The following IGSF21 variants were observed in gnomAD, a reference collection of about 807,000 sequenced individuals.
IGSF21 encodes immunoglobin superfamily member 21.
A neutral mutation model predicts 46.8 loss-of-function variants in IGSF21; 28 were observed. The ratio of observed to expected loss-of-function variants is 0.60; its 90% CI spans 0.44 to 0.82. IGSF21 has a LOEUF of 0.82. Among genes scored for constraint, IGSF21 ranks in the 40% least tolerant of loss-of-function variants. IGSF21 has a pLI of 0.00. For synonymous variants in IGSF21, 284 were observed against 273.6 expected (o/e 1.04, Z -0.38); for missense variants, 624 against 665.5 (o/e 0.94, Z 0.69).
At chr1:18,159,685 C>CTT (rs11371899) in intron 1 of IGSF21, among the ~76,000 whole-genome samples, 1,420 of 138,722 alleles carry the variant, frequency 0.01, 28 homozygotes, top group Admixed American at 0.025. Context: ...TCGGGTATGT[C>CTT]TTTTTTTTTT....
At chr1:18,172,244 A>C (rs1043066673) in intron 1 of IGSF21, among the ~76,000 whole-genome samples, 1 of 152,236 alleles carries the variant, frequency 6.6e-6, no homozygotes, top group Admixed American at 6.5e-5. Flanking sequence ...GTTACCTGAG[A>C]TGGAAGCATC....
chr1:18,302,320 G>A (rs1016397588), intron 3 of IGSF21, among the ~76,000 whole-genome samples: 7 of 152,012 alleles, frequency 4.6e-5, no homozygotes, highest in Admixed American at 6.5e-5. Flanking sequence ...CTGTCCACTC[G>A]CATGTCTACT....
intron 2 of IGSF21, among the ~76,000 whole-genome samples, chr1:18,273,034 C>T (rs114730341): frequency 0.021 from 2,275 of 108,334 alleles, 19 homozygotes; most frequent in Non-Finnish European, 0.027. Flanking sequence ...AGCAGCCAGA[C>T]GGATCTTTTT....
At chr1:18,149,100 C>A (rs1166458611) in intron 1 of IGSF21, among the ~76,000 whole-genome samples, 1 of 152,200 alleles carries the variant, frequency 6.6e-6, no homozygotes, top group Non-Finnish European at 1.5e-5. Context: ...CGTAGTACTC[C>A]TGCGGCCCAC....
At chr1:18,315,587 A>G (rs370637815) in intron 3 of IGSF21, among the ~76,000 whole-genome samples, 1 of 48,044 alleles carries the variant, frequency 2.1e-5, no homozygotes, top group Non-Finnish European at 4.5e-5. Context: ...GTGGATGGGT[A>G]GAGGGTGGAT....
At chr1:18,364,763 C>G (rs77800795) in intron 5 of IGSF21, among the ~76,000 whole-genome samples, 3,314 of 152,164 alleles carry the variant, frequency 0.022, 111 homozygotes, top group African/African-American at 0.074. Flanking sequence ...CCTCTCCCAA[C>G]GTCTCACTTC....
chr1:18,372,780 G>A (rs2086240013), intron 6 of IGSF21, among the ~76,000 whole-genome samples: 1 of 151,180 alleles, frequency 6.6e-6, no homozygotes, highest in South Asian at 2.1e-4. Flanking sequence ...ATAGATGTTT[G>A]GAGGGATGGA....
chr1:18,160,139 AG>A (rs2086604591), intron 1 of IGSF21, among the ~76,000 whole-genome samples: 1 of 152,146 alleles, frequency 6.6e-6, no homozygotes, highest in Non-Finnish European at 1.5e-5. Flanking sequence ...GGGCCAGGCT[AG>A]GGGGAGAGAA....
At chr1:18,348,097 C>T (rs1264505250) in intron 4 of IGSF21, among the ~76,000 whole-genome samples, 2 of 152,182 alleles carry the variant, frequency 1.3e-5, no homozygotes, top group African/African-American at 4.8e-5. Flanking sequence ...ATGGGTATTT[C>T]TAGTATTCTT....
intron 3 of IGSF21, among the ~76,000 whole-genome samples, chr1:18,306,205 C>T (rs2085425017): frequency 6.6e-6 from 1 of 152,174 alleles, no homozygotes; most frequent in Non-Finnish European, 1.5e-5. Context: ...CATCTCCTAC[C>T]CTCTCCCTCT....
intron 6 of IGSF21, chr1:18,376,084 C>T (rs1351264562): frequency 6.1e-6 from 3 of 494,760 alleles, no homozygotes; most frequent in African/African-American, 5.9e-5. Context: ...CTATATACAC[C>T]CTTGACTCCC....
At position 18,118,136 on chromosome 1, in the gene IGSF21, T is replaced by A. The variant is rs372778851; in HGVS notation, c.70+9938T>A. On this transcript the variant is annotated intron_variant, in intron 1 of 9. Transcript: ENST00000251296. ...AGAGAAGCAGCTGAGCCTTTGGGGT[T>A]TTTTTTTGTTCCTTTGCCAAGCTGT... Among the ~76,000 whole-genome samples, 43 of 151,890 alleles carry A rather than the reference T, an allele frequency of 2.8e-4. 1 individual carries two copies. In the East Asian group the frequency reaches 7.9e-3, roughly 28 times the overall value.
chr1:18,263,576 T>A (rs1303691929), intron 2 of IGSF21, among the ~76,000 whole-genome samples: 1 of 152,098 alleles, frequency 6.6e-6, no homozygotes, highest in Non-Finnish European at 1.5e-5. Context: ...AGCTTCTGGA[T>A]CTTAATTTTG....
At chr1:18,120,170 C>G (rs1247468925) in intron 1 of IGSF21, among the ~76,000 whole-genome samples, 1 of 152,202 alleles carries the variant, frequency 6.6e-6, no homozygotes, top group Non-Finnish European at 1.5e-5. Context: ...TCTGGAAAAC[C>G]GCAGGGGATG....
At chr1:18,170,587 G>T (rs1222215765) in intron 1 of IGSF21, among the ~76,000 whole-genome samples, 1 of 151,740 alleles carries the variant, frequency 6.6e-6, no homozygotes, top group African/African-American at 2.4e-5. Flanking sequence ...ATGGGAATAG[G>T]TACTGTTATT....
chr1:18,286,942 G>A (rs1300609361), intron 2 of IGSF21, among the ~76,000 whole-genome samples: 1 of 152,152 alleles, frequency 6.6e-6, no homozygotes, highest in Non-Finnish European at 1.5e-5. Context: ...AGCACTTTGG[G>A]AGGCCGAGGC....
chr1:18,361,537 A>ATT (rs1276640982), intron 4 of IGSF21: 1 of 152,798 alleles, frequency 6.5e-6, no homozygotes, highest in African/African-American at 2.4e-5. Context: ...CCCGCTGGGC[A>ATT]CCGCATTCCC....
chr1:18,328,054 T>A (rs2085675050), intron 3 of IGSF21, among the ~76,000 whole-genome samples: 1 of 152,158 alleles, frequency 6.6e-6, no homozygotes, highest in African/African-American at 2.4e-5. Flanking sequence ...ACGTCCAGCC[T>A]CCTCCCTCTA....
chr1:18,169,691 G>C (rs1337548812), intron 1 of IGSF21, among the ~76,000 whole-genome samples: 1 of 152,160 alleles, frequency 6.6e-6, no homozygotes, highest in Non-Finnish European at 1.5e-5. Context: ...ATGAAAGATG[G>C]GCTAATTGCT....
Sources: gnomAD v4.1 joint callset for allele counts (sites outside exome capture counted in the v4.1 genomes callset) on GRCh38, gnomAD v4.1.1 for gene constraint, MANE v1.5 for transcripts, NCBI Gene and HGNC (gene_info 2026-07-23, HGNC 2026-07-21) for gene names.